Variants in SUFU observed in about 807,000 individuals in gnomAD.
SUFU encodes SUFU negative regulator of hedgehog signaling.
Under a neutral mutation model 58.9 loss-of-function variants are expected in SUFU, and 7 were observed. The observed-to-expected ratio is 0.12, with a 90% confidence interval of 0.07 to 0.22. The LOEUF is 0.22. Among genes scored for constraint, SUFU ranks in the 10% least tolerant of loss-of-function variants. SUFU has a pLI of 1.00. For missense variants in SUFU, 451 were observed against 641.3 expected (o/e 0.70, Z 3.20); for synonymous variants, 232 against 254.8 (o/e 0.91, Z 0.85).
chr10:102,523,798 G>A (rs1160160146), intron 2 of SUFU, among the ~76,000 whole-genome samples: 1 of 152,220 alleles, frequency 6.6e-6, no homozygotes, highest in Non-Finnish European at 1.5e-5. Context: ...CTCATCTCAT[G>A]AATCATGCTC....
chr10:102,519,876 A>C (rs1414806155), intron 2 of SUFU, among the ~76,000 whole-genome samples: 1 of 151,976 alleles, frequency 6.6e-6, no homozygotes, highest in African/African-American at 2.4e-5. Context: ...GGTTCAAGCA[A>C]TTCTCCTGCC....
Position 102,617,766 on chromosome 10 carries a change from A to C in SUFU, c.1296+338A>C. On this transcript the variant is annotated intron_variant, in intron 10 of 11. Coordinates refer to ENST00000369902, the MANE Select transcript of SUFU (RefSeq NM_016169.4). The surrounding 1 kb of genome is among the most constrained non-coding windows in gnomAD (Gnocchi z 4.4). ...ACCTTGGGTAAACCAAGGTACAAGA[A>C]CTCAAGGATGAAGCAAGATGGGAGG... 1.8e-6 allele frequency: 1 copy of C among 541,950 alleles called. No homozygotes were observed. The highest frequency in any genetic ancestry group is 3.2e-6 in the Non-Finnish European group (1 of 308,396). 33.6% of individuals were successfully genotyped at this position (541,950 alleles called of 1,614,324 possible).
chr10:102,509,052 C>T (rs550593488), intron 1 of SUFU, 117 bp from the exon 2 acceptor site: 22 of 1,421,338 alleles, frequency 1.5e-5, no homozygotes, highest in Non-Finnish European at 2.2e-5. Context: ...TGTTTAGTTA[C>T]CTTTCACCCA....
intron 3 of SUFU, among the ~76,000 whole-genome samples, chr10:102,570,294 T>G (rs969775013): frequency 2.0e-5 from 3 of 151,912 alleles, no homozygotes; most frequent in African/African-American, 4.8e-5. Context: ...CAGGCTGGAG[T>G]GCAGTGGTGC....
At chr10:102,542,950 GTT>G (rs1163803921) in intron 2 of SUFU, among the ~76,000 whole-genome samples, 1 of 152,108 alleles carries the variant, frequency 6.6e-6, no homozygotes, top group Non-Finnish European at 1.5e-5. Context: ...GCCTAACAGT[GTT>G]TATACCAATT....
At chr10:102,552,593 G>A (rs1406915431) in intron 3 of SUFU, among the ~76,000 whole-genome samples, 2 of 152,134 alleles carry the variant, frequency 1.3e-5, no homozygotes, top group Admixed American at 6.5e-5. Flanking sequence ...ATTTTTTAAG[G>A]ACAATTGGAA....
At chr10:102,574,888 G>A (rs6584513) in intron 3 of SUFU, among the ~76,000 whole-genome samples, 68,832 of 151,712 alleles carry the variant, frequency 0.45, 16,001 homozygotes, top group East Asian at 0.68. Context: ...AACCCTGTCT[G>A]TACTAAAAAT....
At chr10:102,627,054 G>T in intron 10 of SUFU, 121 bp from the exon 11 acceptor site, 1 of 1,095,060 alleles carries the variant, frequency 9.1e-7, no homozygotes, top group South Asian at 1.3e-5. Context: ...TGTGTCCCTT[G>T]AACAGATCAC....
intron 3 of SUFU, among the ~76,000 whole-genome samples, chr10:102,554,350 C>T (rs549595554): frequency 1.1e-4 from 17 of 152,084 alleles, no homozygotes; most frequent in South Asian, 4.2e-4. Flanking sequence ...TTGTAGTGAG[C>T]TGAGATCACG....
rs563403497 is a variant in SUFU at position 102,629,072 on chromosome 10, C to T, written c.1366-994C>T. Reference sequence around the variant, plus strand: ...TCGGGAGGCTGAGGCACGAGAATCGCTTGAACCCGGGAAGCAAAAGTTGCA... The same window carrying T: ...TCGGGAGGCTGAGGCACGAGAATCGTTTGAACCCGGGAAGCAAAAGTTGCA... On this transcript the variant is annotated intron_variant, in intron 11 of 11. Transcript: ENST00000369902. The surrounding 1 kb of genome is among the most constrained non-coding windows in gnomAD (Gnocchi z 4.7). Among the ~76,000 whole-genome samples, 1 of 152,278 alleles carries T rather than the reference C, an allele frequency of 6.6e-6. No homozygotes were observed. The highest frequency in any genetic ancestry group is 2.1e-4 in the South Asian group (1 of 4,830).
chr10:102,572,420 C>T (rs1444142977), intron 3 of SUFU, among the ~76,000 whole-genome samples: 2 of 135,922 alleles, frequency 1.5e-5, no homozygotes, highest in Non-Finnish European at 3.1e-5. Flanking sequence ...GACAGAGTCT[C>T]ACTCTATTGC....
chr10:102,519,756 A>G (rs1283342614), intron 2 of SUFU, among the ~76,000 whole-genome samples: 1 of 152,074 alleles, frequency 6.6e-6, no homozygotes, highest in Non-Finnish European at 1.5e-5. Context: ...TTTATTTTTA[A>G]TCAATAGACT....
At chr10:102,573,999 A>G (rs1312020266) in intron 3 of SUFU, among the ~76,000 whole-genome samples, 3 of 152,186 alleles carry the variant, frequency 2.0e-5, no homozygotes, top group Non-Finnish European at 4.4e-5. Context: ...ACTACAACTA[A>G]AACTGAAAAA....
intron 2 of SUFU, among the ~76,000 whole-genome samples, chr10:102,548,050 C>T (rs34002877): frequency 6.6e-6 from 1 of 152,064 alleles, no homozygotes; most frequent in African/African-American, 2.4e-5. Flanking sequence ...ACTCGGGAGG[C>T]TGAGACAAGA....
In SUFU at chr10:102,615,392, C is replaced by T; in HGVS notation, c.1147C>T (p.Leu383Phe). The T allele has an allele frequency of 1.2e-6, 2 of 1,614,086 alleles. No homozygotes were observed. Among genetic ancestry groups the T allele is most frequent in the Non-Finnish European group, 1.7e-6 (2 of 1,179,966 alleles). Residue 383 changes from leucine (L) to phenylalanine (F), a missense_variant, in exon 9 of 12, where the codon CTC (leucine) becomes TTC (phenylalanine). Transcript: ENST00000369902. ...CCAGGAGTCCGGAGCCCTCATTCCT[C>T]TCTGCCTAAGGTGAGCGAGACAGCC... ...FNQESGALIP[L>F]CLRGRLLHGR...
intron 2 of SUFU, among the ~76,000 whole-genome samples, chr10:102,517,345 TGTAA>T (rs1410365243): frequency 1.3e-5 from 2 of 151,918 alleles, no homozygotes; most frequent in African/African-American, 4.8e-5. Flanking sequence ...GGTGTGGTAT[TGTAA>T]GTGACTACCA....
At chr10:102,542,647 C>CT (rs2062815434) in intron 2 of SUFU, among the ~76,000 whole-genome samples, 1 of 133,474 alleles carries the variant, frequency 7.5e-6, no homozygotes. Context: ...TTTTTTGAGA[C>CT]TGAGTCTCCC....
chr10:102,555,055 T>C (rs899391549), intron 3 of SUFU, among the ~76,000 whole-genome samples: 1 of 151,980 alleles, frequency 6.6e-6, no homozygotes, highest in African/African-American at 2.4e-5. Context: ...AATCACAAGG[T>C]CAGGAGATCA....
Position 102,517,387 on chromosome 10 carries a change from G to T in SUFU, c.317+8084G>T, listed in dbSNP as rs907126352. 5.9e-5 allele frequency among the ~76,000 whole-genome samples: 9 copies of T among 152,268 alleles called. No homozygotes were observed. The East Asian group carries it at 1.5e-3, about 26-fold the overall frequency. ...CCAGAGTGGTGCCAGGTAGGTCAGC[G>T]CTGGGAAAGTTCCTTCTCTTCCTCA... On this transcript the variant is annotated intron_variant, in intron 2 of 11. Transcript: ENST00000369902.
Sources: gnomAD v4.1 joint callset for allele counts (sites outside exome capture counted in the v4.1 genomes callset) on GRCh38, gnomAD v4.1.1 for gene constraint, Gnocchi (gnomAD v3.1) non-coding constraint, MANE v1.5 for transcripts, NCBI Gene and HGNC (gene_info 2026-07-23, HGNC 2026-07-21) for gene names.